The following MYO6 variants were observed in gnomAD, a reference collection of about 807,000 sequenced individuals.
MYO6 encodes the protein unconventional myosin-VI.
MYO6 carries 74 observed loss-of-function variants against 178.7 expected under a neutral mutation model. The ratio of observed to expected loss-of-function variants is 0.41; its 90% CI spans 0.34 to 0.50. The LOEUF (loss-of-function observed/expected upper bound fraction) is 0.50. Among genes scored for constraint, MYO6 ranks in the 20% least tolerant of loss-of-function variants. The pLI, the probability that MYO6 is intolerant of heterozygous loss-of-function variation, is 0.09. For synonymous variants in MYO6, 477 were observed against 504.6 expected (o/e 0.95, Z 0.73); for missense variants, 1,330 against 1,547.4 (o/e 0.86, Z 2.36).
At chr6:75,773,673 A>G (rs1010959155) in intron 1 of MYO6, among the ~76,000 whole-genome samples, 5 of 152,184 alleles carry the variant, frequency 3.3e-5, no homozygotes, top group Non-Finnish European at 7.3e-5. Context: ...ACAACCTTTT[A>G]TCATATGGTT....
chr6:75,914,361 A>G, intron 34 of MYO6, 80 bp downstream of exon 34: 5 of 1,357,386 alleles, frequency 3.7e-6, no homozygotes, highest in South Asian at 1.2e-5. Flanking sequence ...CTAATGTATA[A>G]TATAATAATT....
chr6:75,880,340 A>G (rs1473448937), intron 22 of MYO6, among the ~76,000 whole-genome samples: 7 of 152,246 alleles, frequency 4.6e-5, no homozygotes, highest in South Asian at 2.1e-4. Context: ...TTACTCATAC[A>G]TATTTATTCT....
At chr6:75,854,032 C>T (rs1775518251) in intron 11 of MYO6, among the ~76,000 whole-genome samples, 1 of 152,078 alleles carries the variant, frequency 6.6e-6, no homozygotes, top group Non-Finnish European at 1.5e-5. Flanking sequence ...GCCTGATCAG[C>T]CCTGAGACTA....
intron 1 of MYO6, among the ~76,000 whole-genome samples, chr6:75,804,712 A>G (rs958376670): frequency 6.6e-6 from 1 of 152,030 alleles, no homozygotes; most frequent in African/African-American, 2.4e-5. Flanking sequence ...AGTTAACAGA[A>G]TAAATGACTC....
chr6:75,896,761 G>A (rs1402119628), intron 29 of MYO6, among the ~76,000 whole-genome samples: 1 of 152,140 alleles, frequency 6.6e-6, no homozygotes, highest in Non-Finnish European at 1.5e-5. Flanking sequence ...ACACATTGTT[G>A]TTACCACAAT....
At position 75,914,924 on chromosome 6, in the gene MYO6, G is replaced by C. The variant is rs1781036575; in HGVS notation, c.3770G>C (p.Gly1257Ala). 1 of 1,614,096 alleles carries C rather than the reference G, an allele frequency of 6.2e-7. No homozygotes were observed. Among genetic ancestry groups the C allele is most frequent in the Non-Finnish European group, 8.5e-7 (1 of 1,180,012 alleles). The change falls in exon 35 of 35, where the codon GGA becomes GCA. Residue 1257 changes from glycine to alanine, a missense_variant. Physicochemically the swap from Gly to Ala is moderately conservative, Grantham distance 60 (BLOSUM62 0). Coordinates refer to ENST00000369977, the MANE Select transcript of MYO6 (RefSeq NM_004999.4). ...RQFEEIWERC[G>A]GIQYLQNAIE... ...TTTGAAGAAATCTGGGAACGCTGTG[G>C]AGGCATCCAGTACCTTCAGAATGCG...
chr6:75,880,910 T>G (rs1038068550), intron 22 of MYO6, among the ~76,000 whole-genome samples: 3 of 152,202 alleles, frequency 2.0e-5, no homozygotes, highest in African/African-American at 7.2e-5. Flanking sequence ...AGCTGTTTTA[T>G]TTGTGTTGTC....
intron 1 of MYO6, among the ~76,000 whole-genome samples, chr6:75,784,088 C>T (rs1286073645): frequency 6.6e-6 from 1 of 152,156 alleles, no homozygotes; most frequent in African/African-American, 2.4e-5. Flanking sequence ...TCTCCTGCCT[C>T]AGCCTCCCGA....
At position 75,840,462 on chromosome 6, in the gene MYO6, A is replaced by G. The variant is rs183349817; in HGVS notation, c.554-123A>G. On this transcript the variant is annotated intron_variant, in intron 7 of 34. Coordinates refer to ENST00000369977, the MANE Select transcript of MYO6 (RefSeq NM_004999.4). The stretch of plus-strand genomic sequence containing the variant: ...AGGCATGAGCCACTGTGTCCCGCCC[A>G]TGTTAATATTTTTTAGAACATTTTT... 161 of 740,814 alleles carry G rather than the reference A, an allele frequency of 2.2e-4. No homozygotes were observed. The African/African-American group carries it at 2.3e-3, about 10-fold the overall frequency. The allele number at this position is 740,814 out of a possible 1,614,324, so 45.9% of individuals were successfully genotyped here. A position where few individuals can be genotyped will look rare whatever the true frequency, so the allele number is the denominator to read the frequency against.
chr6:75,848,355 T>C lies in MYO6; in HGVS notation c.902T>C (p.Leu301Pro). Reference protein sequence around the residue: ...ILQNRKSPEYLKAGSMKDPLL... With the variant: ...ILQNRKSPEYPKAGSMKDPLL... ...TGGTGTCTTCTTGTTTTGTAGTACC[T>C]TAAGGCAGGTTCTATGAAAGATCCT... Residue 301 changes from leucine to proline, a missense_variant, in exon 11 of 35, where the codon CTT (leucine) becomes CCT (proline). Around this residue, in one of 3 missense-constraint regions of MYO6, gnomAD observed 613 missense variants for 816.8 expected, o/e 0.75. Transcript: ENST00000369977. 6.2e-7 allele frequency: 1 copy of C among 1,613,548 alleles called. No individual in the cohort carries two copies. The highest frequency in any genetic ancestry group is 8.5e-7 in the Non-Finnish European group (1 of 1,179,562).
intron 27 of MYO6, 96 bp from the exon 28 acceptor site, chr6:75,892,434 G>C: frequency 6.7e-7 from 1 of 1,497,556 alleles, no homozygotes; most frequent in Non-Finnish European, 9.3e-7. Context: ...ACTTGTATGG[G>C]GGCAGTTATG....
intron 30 of MYO6, among the ~76,000 whole-genome samples, chr6:75,902,825 C>G (rs1348339909): frequency 1.3e-5 from 2 of 150,896 alleles, no homozygotes; most frequent in East Asian, 2.0e-4. Context: ...GTTAGGGTGT[C>G]AATTTTGGAT....
intron 1 of MYO6, among the ~76,000 whole-genome samples, chr6:75,803,170 C>T (rs761911406): frequency 6.6e-6 from 1 of 152,106 alleles, no homozygotes; most frequent in Non-Finnish European, 1.5e-5. Flanking sequence ...ATAATCAGTT[C>T]TCACAATTCA....
intron 30 of MYO6, among the ~76,000 whole-genome samples, chr6:75,902,673 C>A (rs1340029398): frequency 3.3e-5 from 5 of 151,672 alleles, no homozygotes; most frequent in South Asian, 2.1e-4. Flanking sequence ...TTTCAAAAAA[C>A]CACCTCCTGG....
chr6:75,815,020 G>A (rs188977119), intron 1 of MYO6, among the ~76,000 whole-genome samples: 2 of 152,320 alleles, frequency 1.3e-5, no homozygotes, highest in East Asian at 3.9e-4. Flanking sequence ...TCCAAGTCCT[G>A]ATGAAACAGA....
At chr6:75,794,618 G>A (rs1317014143) in intron 1 of MYO6, among the ~76,000 whole-genome samples, 1 of 151,714 alleles carries the variant, frequency 6.6e-6, no homozygotes, top group Non-Finnish European at 1.5e-5. Context: ...ACTCAAATAC[G>A]TACCTAGGAG....
chr6:75,890,382 T>G (rs1027615356), intron 26 of MYO6, 117 bp downstream of exon 26: 1 of 1,444,578 alleles, frequency 6.9e-7, no homozygotes, highest in East Asian at 2.5e-5. Context: ...GGTCTTGCTC[T>G]GTTGCCCAGG....
intron 1 of MYO6, among the ~76,000 whole-genome samples, chr6:75,811,333 G>A (rs938892666): frequency 6.6e-6 from 1 of 152,084 alleles, no homozygotes; most frequent in Non-Finnish European, 1.5e-5. Context: ...TTGAAATTCA[G>A]CTCTCTTGTG....
intron 1 of MYO6, among the ~76,000 whole-genome samples, chr6:75,800,156 C>T (rs978748164): frequency 6.6e-6 from 1 of 152,086 alleles, no homozygotes; most frequent in Non-Finnish European, 1.5e-5. Flanking sequence ...GTTCAACCCC[C>T]CTCCAGACTC....
Sources: gnomAD v4.1 joint callset for allele counts (sites outside exome capture counted in the v4.1 genomes callset) on GRCh38, gnomAD v4.1.1 for gene constraint, gnomAD v4.1.1 regional missense constraint, MANE v1.5 for transcripts, NCBI Gene and HGNC (gene_info 2026-07-23, HGNC 2026-07-21) for gene names.